GRIK4: variants seen among roughly 807,000 people sequenced by gnomAD.
GRIK4 encodes glutamate ionotropic receptor kainate type subunit 4, also known as glutamate receptor ionotropic, kainate 4.
A neutral mutation model predicts 104.9 loss-of-function variants in GRIK4; 40 were observed. The observed-to-expected ratio is 0.38, with a 90% CI of 0.30 to 0.50. The LOEUF (loss-of-function observed/expected upper bound fraction) is 0.50, where lower values mean the gene tolerates loss of function less well. Ranked by LOEUF, GRIK4 falls within the 20% of genes least tolerant of loss-of-function variation. GRIK4 has a pLI of 0.93. For synonymous variants in GRIK4, 485 were observed against 524.9 expected (o/e 0.92, Z 1.04); for missense variants, 1,047 against 1,308.1 (o/e 0.80, Z 3.08).
intron 16 of GRIK4, among the ~76,000 whole-genome samples, chr11:120,959,231 T>C (rs959016911): frequency 2.6e-5 from 4 of 152,146 alleles, no homozygotes; most frequent in African/African-American, 9.7e-5. Flanking sequence ...CGAGTGGTTT[T>C]CCCCCACATT....
intron 4 of GRIK4, 25 bp from the exon 5 acceptor site, chr11:120,815,353 T>C: frequency 2.9e-6 from 4 of 1,401,562 alleles, no homozygotes; most frequent in Non-Finnish European, 4.0e-6. Flanking sequence ...TTTGCTTCTT[T>C]CCCTGTCCCT....
chr11:120,677,217 TG>T (rs1175283475), intron 3 of GRIK4, among the ~76,000 whole-genome samples: 2 of 152,194 alleles, frequency 1.3e-5, no homozygotes, highest in Non-Finnish European at 2.9e-5. Context: ...ACTCCTAACA[TG>T]TCAGGGCACT....
chr11:120,627,971 G>A (rs1389490682), intron 1 of GRIK4, among the ~76,000 whole-genome samples: 1 of 152,214 alleles, frequency 6.6e-6, no homozygotes, highest in Non-Finnish European at 1.5e-5. Context: ...TTCCTTATCT[G>A]TAAAATGGGC....
chr11:120,636,982 C>G lies in GRIK4; in HGVS notation c.-158-16703C>G, dbSNP rs149996100. Reference sequence around the variant, plus strand: ...TCCCAGGGTGCCCCCCAGTGATAAGCTGGTGCAAAACCAGCTTCTGCCTGC... The same window carrying G: ...TCCCAGGGTGCCCCCCAGTGATAAGGTGGTGCAAAACCAGCTTCTGCCTGC... On this transcript the variant is annotated intron_variant, in intron 1 of 20. Coordinates refer to ENST00000527524, the MANE Select transcript of GRIK4 (RefSeq NM_014619.5). Among the ~76,000 whole-genome samples, 80 of 152,348 alleles carry G rather than the reference C, an allele frequency of 5.3e-4. No individual in the cohort carries two copies. The East Asian group carries it at 0.015, about 28-fold the overall frequency.
chr11:120,928,973 G>C (rs1943415395), intron 13 of GRIK4, among the ~76,000 whole-genome samples: 1 of 149,448 alleles, frequency 6.7e-6, no homozygotes, highest in African/African-American at 2.5e-5. Context: ...GTGTGTGTGT[G>C]TGTGTGTGTG....
intron 1 of GRIK4, among the ~76,000 whole-genome samples, chr11:120,551,803 A>T (rs1353786499): frequency 6.6e-6 from 1 of 151,982 alleles, no homozygotes; most frequent in Non-Finnish European, 1.5e-5. Context: ...ATAAATAAAT[A>T]AATAAAATTT....
At chr11:120,515,499 C>G (rs1591667624) in intron 1 of GRIK4, among the ~76,000 whole-genome samples, 1 of 152,328 alleles carries the variant, frequency 6.6e-6, no homozygotes, top group East Asian at 1.9e-4. Flanking sequence ...AGGGCACATT[C>G]TCTGAGTGGC....
chr11:120,654,104 A>G (rs543714120), intron 2 of GRIK4, among the ~76,000 whole-genome samples: 1 of 152,356 alleles, frequency 6.6e-6, no homozygotes, highest in South Asian at 2.1e-4. Context: ...TGGAAGCTGT[A>G]CTGACATACC....
At chr11:120,788,953 C>A (rs1952343009) in intron 3 of GRIK4, among the ~76,000 whole-genome samples, 1 of 152,286 alleles carries the variant, frequency 6.6e-6, no homozygotes, top group South Asian at 2.1e-4. Flanking sequence ...TTGCCCAGCC[C>A]TGTGGAGAAT....
chr11:120,952,922 T>C lies in GRIK4; in HGVS notation c.1658T>C (p.Leu553Pro). ...FSPGVWLFML[L>P]AYLAVSCVLF... ...CCGGGCGTCTGGCTCTTCATGCTTC[T>C]AGCCTATCTGGCCGTCAGCTGTGTC... The change falls in exon 15 of 21, where the codon CTA (leucine) becomes CCA (proline). Residue 553 changes from leucine (L) to proline (P), a missense_variant. Leu to Pro is a moderately conservative substitution (Grantham distance 98, BLOSUM62 -3). Around this residue, in one of 3 missense-constraint regions of GRIK4, gnomAD observed 440 missense variants for 652.3 expected, o/e 0.67. Coordinates refer to ENST00000527524, the MANE Select transcript of GRIK4 (RefSeq NM_014619.5). This position sits in a 1 kb window ranked among gnomAD's most constrained non-coding sequence, Gnocchi z 5.2. 6.2e-7 allele frequency: 1 copy of C among 1,613,990 alleles called. No individual in the cohort carries two copies. Among genetic ancestry groups the C allele is most frequent in the Non-Finnish European group, 8.5e-7 (1 of 1,179,924 alleles).
chr11:120,586,670 G>A (rs1948669202), intron 1 of GRIK4, among the ~76,000 whole-genome samples: 2 of 152,060 alleles, frequency 1.3e-5, no homozygotes, highest in African/African-American at 4.8e-5. Flanking sequence ...TGGGACATTC[G>A]GGTGACCTTG....
chr11:120,730,937 G>C (rs1052034798), intron 3 of GRIK4, among the ~76,000 whole-genome samples: 15 of 152,142 alleles, frequency 9.9e-5, no homozygotes, highest in Admixed American at 3.3e-4. Flanking sequence ...TTCTGAACTT[G>C]TTTATCAGTT....
intron 3 of GRIK4, among the ~76,000 whole-genome samples, chr11:120,726,111 C>T (rs925540661): frequency 6.6e-6 from 1 of 152,136 alleles, no homozygotes; most frequent in South Asian, 2.1e-4. Context: ...AGGACAAGTG[C>T]CCTGAGATGG....
intron 3 of GRIK4, among the ~76,000 whole-genome samples, chr11:120,735,803 A>G (rs1361206233): frequency 6.6e-6 from 1 of 151,952 alleles, no homozygotes; most frequent in Non-Finnish European, 1.5e-5. Flanking sequence ...GCCTTTCCTC[A>G]TGGCCTCCAC....
At chr11:120,892,838 G>A (rs955882625) in intron 11 of GRIK4, among the ~76,000 whole-genome samples, 1 of 152,132 alleles carries the variant, frequency 6.6e-6, no homozygotes, top group African/African-American at 2.4e-5. Flanking sequence ...CAGCCCCCTT[G>A]TCTAGGCTCT....
intron 3 of GRIK4, among the ~76,000 whole-genome samples, chr11:120,694,783 ATTG>A (rs1208962917): frequency 3.9e-5 from 6 of 152,162 alleles, no homozygotes; most frequent in African/African-American, 1.4e-4. Flanking sequence ...GCCCGGGTTC[ATTG>A]TTGTCTTTCA....
chr11:120,861,718 T>A (rs1954267835), intron 8 of GRIK4, among the ~76,000 whole-genome samples: 1 of 152,154 alleles, frequency 6.6e-6, no homozygotes, highest in African/African-American at 2.4e-5. Flanking sequence ...CTCTAGCTAG[T>A]GCATCTTGTA....
At chr11:120,528,703 C>T (rs1299380205) in intron 1 of GRIK4, among the ~76,000 whole-genome samples, 1 of 152,176 alleles carries the variant, frequency 6.6e-6, no homozygotes, top group African/African-American at 2.4e-5. Flanking sequence ...TGAATGGCAG[C>T]AGGCAAAGAG....
At position 120,898,518 on chromosome 11, in the gene GRIK4, GT is replaced by G; in HGVS notation, c.1165-12del. Reference sequence around the variant, plus strand: ...CCACCATTTCTTCCCAGTCCTCTCCGTTGGTCTCCTCAGATCGGCCAGTGGC... The same window carrying G: ...CCACCATTTCTTCCCAGTCCTCTCCGTGGTCTCCTCAGATCGGCCAGTGGC... On this transcript the variant is annotated splice_polypyrimidine_tract_variant and intron_variant, in intron 11 of 20. Transcript: ENST00000527524. 1 of 1,478,358 alleles carries G rather than the reference GT, an allele frequency of 6.8e-7. No homozygotes were observed. The highest frequency in any genetic ancestry group is 9.5e-7 in the Non-Finnish European group (1 of 1,056,270). The allele number at this position is 1,478,358 out of a possible 1,614,324, so 91.6% of individuals were successfully genotyped here.
Sources: allele counts gnomAD v4.1 joint callset (sites outside exome capture counted in the v4.1 genomes callset), GRCh38; gene constraint gnomAD v4.1.1; regional missense constraint gnomAD v4.1.1; non-coding constraint Gnocchi (gnomAD v3.1); transcripts MANE v1.5; gene names NCBI Gene and HGNC (gene_info 2026-07-23, HGNC 2026-07-21).